CLDN16: variants seen among roughly 807,000 people sequenced by gnomAD.
CLDN16 encodes claudin-16.
In CLDN16, 13 loss-of-function variants were observed where a neutral mutation model predicts 24.6. That is an observed-to-expected ratio of 0.53 (90% confidence interval 0.34 to 0.84). CLDN16 has a LOEUF of 0.84. Ranked by LOEUF, CLDN16 falls within the 40% of genes least tolerant of loss-of-function variation. The pLI, the probability that CLDN16 is intolerant of heterozygous loss-of-function variation, is 0.01. For missense variants in CLDN16, 298 were observed against 292.7 expected (o/e 1.02, Z -0.13); for synonymous variants, 116 against 106.7 (o/e 1.09, Z -0.54).
At chr3:190,402,588 A>C (rs1718992316) in intron 2 of CLDN16, 149 bp downstream of exon 2, 1 of 694,708 alleles carries the variant, frequency 1.4e-6, no homozygotes, top group African/African-American at 1.8e-5. Flanking sequence ...CATCTCGGAA[A>C]TGTGAATTGA....
In CLDN16 at chr3:190,388,241, C is replaced by T; in HGVS notation, c.-89C>T. 6.2e-7 allele frequency: 1 copy of T among 1,613,878 alleles called. No homozygotes were observed. ...CCAGTATTTTCACATTGCCAGGTAC[C>T]AGAAACACAGAAGACTGACACCCGC... On this transcript the variant is annotated 5_prime_UTR_variant, in exon 1 of 5. Transcript: ENST00000264734.
chr3:190,398,523 A>T lies in CLDN16; in HGVS notation c.115-3814A>T, dbSNP rs1247633726. On this transcript the variant is annotated intron_variant, in intron 1 of 4. Coordinates refer to ENST00000264734, the MANE Select transcript of CLDN16 (RefSeq NM_006580.4). ...CAGCCCACCTGTATAACCCAATATGATCTCAAGGTCCTCAGTTACATTTTC... is the reference window on the plus strand; with the variant it reads ...CAGCCCACCTGTATAACCCAATATGTTCTCAAGGTCCTCAGTTACATTTTC... 4.6e-5 allele frequency among the ~76,000 whole-genome samples: 7 copies of T among 152,120 alleles called. No individual in the cohort carries two copies. The East Asian group carries it at 1.3e-3, about 29-fold the overall frequency.
the CLDN16 span, among the ~76,000 whole-genome samples, chr3:190,296,267 A>G: frequency 1.3e-5 from 2 of 152,208 alleles, no homozygotes; most frequent in Non-Finnish European, 2.9e-5. Context: ...ATGAATAAAA[A>G]TATAATATTC....
At chr3:190,360,488 TCAA>T (rs1717864315) in intron 1 of CLDN16, among the ~76,000 whole-genome samples, 1 of 151,842 alleles carries the variant, frequency 6.6e-6, no homozygotes, top group Admixed American at 6.6e-5. Context: ...AATAAGAAAC[TCAA>T]CTGGTGTAAT....
intron 1 of CLDN16, among the ~76,000 whole-genome samples, chr3:190,349,206 G>T (rs1717620337): frequency 6.6e-6 from 1 of 152,140 alleles, no homozygotes; most frequent in Admixed American, 6.5e-5. Flanking sequence ...GGACCTGGTG[G>T]GAGGCGATTG....
At chr3:190,381,491 C>A (rs6444428) in intron 3 of CLDN16, among the ~76,000 whole-genome samples, 90,721 of 151,846 alleles carry the variant, frequency 0.6, 27,775 homozygotes, top group East Asian at 0.86. Context: ...TAAACATATG[C>A]TAAACTCTGG....
At chr3:190,329,598 A>G (rs1393922071) in intron 1 of CLDN16, among the ~76,000 whole-genome samples, 3 of 152,174 alleles carry the variant, frequency 2.0e-5, no homozygotes, top group Non-Finnish European at 4.4e-5. Context: ...TTGTCTTAGG[A>G]GGAATAATAA....
intron 1 of CLDN16, among the ~76,000 whole-genome samples, chr3:190,333,128 A>C (rs939395115): frequency 2.6e-5 from 4 of 152,160 alleles, no homozygotes; most frequent in African/African-American, 9.7e-5. Context: ...TAAACAACTG[A>C]GACTCTTTTT....
intron 3 of CLDN16, among the ~76,000 whole-genome samples, chr3:190,382,487 A>AT (rs1718390733): frequency 6.6e-6 from 1 of 152,104 alleles, no homozygotes; most frequent in African/African-American, 2.4e-5. Flanking sequence ...TCCACATTGG[A>AT]GATGTCAATT....
chr3:190,357,917 C>A (rs1250521621), intron 1 of CLDN16, among the ~76,000 whole-genome samples: 1 of 151,912 alleles, frequency 6.6e-6, no homozygotes, highest in Non-Finnish European at 1.5e-5. Flanking sequence ...CTTTCTGCCA[C>A]AATTTGTAAA....
intron 1 of CLDN16, among the ~76,000 whole-genome samples, chr3:190,360,282 A>C (rs1717860583): frequency 6.6e-6 from 1 of 151,968 alleles, no homozygotes; most frequent in Non-Finnish European, 1.5e-5. Flanking sequence ...ATTCAGCCCC[A>C]GTCCTTCTTT....
chr3:190,345,980 A>G (rs77618769), intron 1 of CLDN16, among the ~76,000 whole-genome samples: 7,158 of 152,196 alleles, frequency 0.047, 563 homozygotes, highest in African/African-American at 0.16. Flanking sequence ...CCAAATAACA[A>G]GACTCTTGTA....
At chr3:190,393,846 G>A (rs1207306482) in intron 1 of CLDN16, among the ~76,000 whole-genome samples, 1 of 149,362 alleles carries the variant, frequency 6.7e-6, no homozygotes, top group Non-Finnish European at 1.5e-5. Context: ...CACCTCCTGA[G>A]TTCAAGCGAT....
chr3:190,378,206 G>T (rs1296017952), intron 3 of CLDN16, among the ~76,000 whole-genome samples: 1 of 151,848 alleles, frequency 6.6e-6, no homozygotes, highest in African/African-American at 2.4e-5. Context: ...CAAAGAAAAG[G>T]TCACGTATGA....
chr3:190,357,574 T>A (rs1342398940), intron 1 of CLDN16, among the ~76,000 whole-genome samples: 1 of 151,872 alleles, frequency 6.6e-6, no homozygotes. Flanking sequence ...AAGACTAAAG[T>A]CCAGTTCCTC....
the CLDN16 span, among the ~76,000 whole-genome samples, chr3:190,293,146 G>A: frequency 1.3e-5 from 2 of 152,324 alleles, no homozygotes; most frequent in East Asian, 3.9e-4. Flanking sequence ...TAATCATGGT[G>A]GAAGGGGAAA....
At chr3:190,404,526 C>CA (rs1482702579) in intron 2 of CLDN16, among the ~76,000 whole-genome samples, 1 of 152,076 alleles carries the variant, frequency 6.6e-6, no homozygotes, top group Non-Finnish European at 1.5e-5. Flanking sequence ...GCTAGCATAC[C>CA]AACAACAAAA....
chr3:190,309,413 C>T, the CLDN16 span, among the ~76,000 whole-genome samples: 2 of 152,172 alleles, frequency 1.3e-5, no homozygotes, highest in East Asian at 3.8e-4. Context: ...AAAAGAAACA[C>T]ATCTTATCTC....
At position 190,356,603 on chromosome 3, in the gene CLDN16, A is replaced by T. The variant is rs113649827; in HGVS notation, n.122-14290A>T. ...TGTTATTCATACTAAAACATATAAA[A>T]TAATTTACTTTGTAATAAAGCTGGC... On this transcript the variant is annotated intron_variant and non_coding_transcript_variant, in intron 1 of 4. Coordinates refer to the CLDN16 transcript ENST00000468220. Among the ~76,000 whole-genome samples, 227 of 152,004 alleles carry T rather than the reference A, an allele frequency of 1.5e-3. 1 individual carries two copies. Among genetic ancestry groups the T allele is most frequent in the African/African-American group, 5.2e-3 (214 of 41,550 alleles).
Sources: gnomAD v4.1 joint callset for allele counts (sites outside exome capture counted in the v4.1 genomes callset) on GRCh38, gnomAD v4.1.1 for gene constraint, MANE v1.5 for transcripts, NCBI Gene and HGNC (gene_info 2026-07-23, HGNC 2026-07-21) for gene names.